TYW1: variants seen among roughly 807,000 people sequenced by gnomAD.
TYW1 encodes tRNA-yW synthesizing protein 1 homolog, also known as S-adenosyl-L-methionine-dependent tRNA 4-demethylwyosine synthase TYW1.
TYW1 carries 46 observed loss-of-function variants against 96.2 expected under a neutral mutation model. That is an observed-to-expected ratio of 0.48 (90% confidence interval 0.38 to 0.61). TYW1 has a LOEUF of 0.61. Ranked by LOEUF, TYW1 falls within the 20% of genes least tolerant of loss-of-function variation. The probability of loss-of-function intolerance (pLI) is 0.00; values close to 1 mark genes in which losing one functional copy is unlikely to be tolerated. For synonymous variants in TYW1, 274 were observed against 323.0 expected, an observed-to-expected ratio of 0.85 and a Z score of 1.63; for missense variants, 684 against 909.6, an observed-to-expected ratio of 0.75 and a Z score of 3.19.
intron 14 of TYW1, among the ~76,000 whole-genome samples, chr7:67,189,954 C>T (rs1232863659): frequency 6.6e-6 from 1 of 151,276 alleles, no homozygotes; most frequent in African/African-American, 2.4e-5. Flanking sequence ...TTTCATGTTA[C>T]AACCATCTGT....
chr7:67,029,437 A>ACACATATATATATATATAT (rs746024597), intron 7 of TYW1, among the ~76,000 whole-genome samples: 1 of 146,558 alleles, frequency 6.8e-6, no homozygotes. Flanking sequence ...ATATATAAAT[A>ACACATATATATATATATAT]GTATTTTCTA....
At chr7:67,055,712 A>AC (rs569666486) in intron 8 of TYW1, 123 bp from the exon 9 acceptor site, 266 of 582,522 alleles carry the variant, frequency 4.6e-4, no homozygotes, top group African/African-American at 4.4e-3. Context: ...GTTTCCTGCC[A>AC]TGGGTTGGTT....
At chr7:67,197,502 T>C (rs1031753455) in intron 15 of TYW1, among the ~76,000 whole-genome samples, 2 of 152,178 alleles carry the variant, frequency 1.3e-5, no homozygotes, top group African/African-American at 4.8e-5. Flanking sequence ...ATTTTTGTGT[T>C]TTTAGTAGAG....
chr7:67,162,034 C>T (rs12154419), intron 13 of TYW1, among the ~76,000 whole-genome samples: 42,625 of 151,854 alleles, frequency 0.28, 6,449 homozygotes, highest in African/African-American at 0.4. Flanking sequence ...CAGTGGCTCA[C>T]GCCTGTAATC....
At chr7:67,219,698 GTTTT>G (rs60226540) in intron 15 of TYW1, among the ~76,000 whole-genome samples, 153 of 147,434 alleles carry the variant, frequency 1.0e-3, no homozygotes, top group African/African-American at 3.6e-3. Context: ...CACTCTTACA[GTTTT>G]TTTTTTTAAA....
intron 4 of TYW1, among the ~76,000 whole-genome samples, chr7:67,010,477 A>AT (rs201032960): frequency 1.8e-3 from 249 of 135,368 alleles, no homozygotes; most frequent in African/African-American, 3.2e-3. Context: ...ATTTTAAAAG[A>AT]TTTTTTTTTT....
At chr7:67,187,656 T>C (rs1800072206) in intron 14 of TYW1, among the ~76,000 whole-genome samples, 1 of 152,242 alleles carries the variant, frequency 6.6e-6, no homozygotes, top group Non-Finnish European at 1.5e-5. Context: ...TAGAATAATA[T>C]TTATTATGCA....
At chr7:67,142,351 A>G (rs1467018513) in intron 13 of TYW1, among the ~76,000 whole-genome samples, 1 of 152,104 alleles carries the variant, frequency 6.6e-6, no homozygotes, top group African/African-American at 2.4e-5. Context: ...TGGTTTTCCT[A>G]CCTTGGCCTC....
chr7:67,152,922 G>C (rs1455287742), intron 13 of TYW1, among the ~76,000 whole-genome samples: 1 of 152,096 alleles, frequency 6.6e-6, no homozygotes, highest in Admixed American at 6.5e-5. Context: ...TTTTTTGCTG[G>C]CACCTTGGAA....
intron 15 of TYW1, among the ~76,000 whole-genome samples, chr7:67,236,203 T>C (rs1801884467): frequency 6.6e-6 from 1 of 152,144 alleles, no homozygotes; most frequent in Admixed American, 6.5e-5. Context: ...AGGGAACAGC[T>C]TGGGCGTCAC....
intron 15 of TYW1, among the ~76,000 whole-genome samples, chr7:67,196,231 G>A (rs1172784589): frequency 2.0e-5 from 3 of 151,598 alleles, no homozygotes; most frequent in Middle Eastern, 3.4e-3. Flanking sequence ...TTTTTTAATT[G>A]TATAATTTCT....
intron 10 of TYW1, among the ~76,000 whole-genome samples, chr7:67,078,984 G>T (rs537873847): frequency 6.6e-6 from 1 of 152,092 alleles, no homozygotes; most frequent in East Asian, 1.9e-4. Context: ...GTGAGCCACC[G>T]CGCCTGGCTG....
At chr7:67,105,424 C>T (rs1471658532) in intron 12 of TYW1, among the ~76,000 whole-genome samples, 9 of 152,302 alleles carry the variant, frequency 5.9e-5, no homozygotes, top group Admixed American at 2.6e-4. Context: ...TCAAGCCCTG[C>T]GTTGATAAGA....
chr7:67,081,287 T>TC (rs1292836970), intron 10 of TYW1, among the ~76,000 whole-genome samples: 1 of 150,826 alleles, frequency 6.6e-6, no homozygotes, highest in East Asian at 1.9e-4. Flanking sequence ...CTGTGAGGTT[T>TC]CTGCTGAGAA....
chr7:67,031,003 C>T (rs533391119), intron 7 of TYW1, among the ~76,000 whole-genome samples: 4 of 148,594 alleles, frequency 2.7e-5, no homozygotes, highest in Middle Eastern at 3.5e-3. Context: ...GAGTTCAAGA[C>T]CAACCTGGCC....
intron 15 of TYW1, among the ~76,000 whole-genome samples, chr7:67,224,423 G>A (rs1261798505): frequency 3.3e-5 from 5 of 152,192 alleles, no homozygotes; most frequent in East Asian, 3.9e-4. Context: ...CACCATGCCC[G>A]GCCAATACTT....
chr7:67,153,120 C>A (rs1352008704), intron 13 of TYW1, among the ~76,000 whole-genome samples: 1 of 152,108 alleles, frequency 6.6e-6, no homozygotes, highest in African/African-American at 2.4e-5. Context: ...GGCTTTCTTC[C>A]TAATGATTAA....
intron 10 of TYW1, among the ~76,000 whole-genome samples, chr7:67,082,558 G>C (rs765125205): frequency 9.8e-4 from 150 of 152,286 alleles, no homozygotes; most frequent in Middle Eastern, 6.8e-3. Flanking sequence ...TATGGGGGTA[G>C]TGTCTTCAGT....
chr7:67,158,933 A>G lies in TYW1; in HGVS notation c.1699-24193A>G, dbSNP rs1277784810. On this transcript the variant is annotated intron_variant, in intron 13 of 15. Coordinates refer to ENST00000359626, the MANE Select transcript of TYW1 (RefSeq NM_018264.4). ...TCCGTTTTTCTTGATTAGCCTGGCT[A>G]GAAGTTTGTTAATGTAATTTTATTT... Among the ~76,000 whole-genome samples the G allele has an allele frequency of 2.0e-5, 3 of 152,178 alleles. 1 individual carries two copies. Among genetic ancestry groups the G allele is most frequent in the African/African-American group, 7.2e-5 (3 of 41,452 alleles).
Sources: allele counts gnomAD v4.1 joint callset (sites outside exome capture counted in the v4.1 genomes callset), GRCh38; gene constraint gnomAD v4.1.1; transcripts MANE v1.5; gene names NCBI Gene and HGNC (gene_info 2026-07-23, HGNC 2026-07-21).